ZNF320: variants seen among roughly 807,000 people sequenced by gnomAD.
ZNF320 encodes the protein zinc finger protein 320.
In ZNF320, 2 loss-of-function variants were observed where a neutral mutation model predicts 6.8. The observed-to-expected ratio is 0.29, with a 90% CI of 0.12 to 0.93. The LOEUF is 0.93. Ranked by LOEUF, ZNF320 falls within the 40% of genes least tolerant of loss-of-function variation. The pLI is 0.55. For missense variants in ZNF320, 472 were observed against 611.0 expected (o/e 0.77, Z 2.40); for synonymous variants, 208 against 203.2 (o/e 1.02, Z -0.20).
chr19:52,862,893 G>A (rs2063493741), exon 6 of ZNF320: 3 of 286,874 alleles, frequency 1.0e-5, no homozygotes, highest in South Asian at 7.1e-5. Context: ...AATTAGCTGG[G>A]TATGGTGGAT....
upstream of ZNF320, chr19:52,897,649 C>G (rs569239231): frequency 2.0e-5 from 3 of 152,570 alleles, no homozygotes; most frequent in South Asian, 6.2e-4. Context: ...GAAACTCACG[C>G]GCTGTGGTGT....
At chr19:52,866,349 T>C (rs1820732529) in intron 5 of ZNF320, among the ~76,000 whole-genome samples, 2 of 151,018 alleles carry the variant, frequency 1.3e-5, no homozygotes, top group Admixed American at 1.3e-4. Context: ...TCACCTGAGG[T>C]CAGAACTGTG....
At chr19:52,901,639 T>A (rs2064571474), upstream of ZNF320, among the ~76,000 whole-genome samples, 1 of 152,222 alleles carries the variant, frequency 6.6e-6, no homozygotes, top group South Asian at 2.1e-4. Context: ...GTTGCAAACT[T>A]CAATGGTTAT....
chr19:52,865,908 TAC>T (rs1452352918), intron 5 of ZNF320, among the ~76,000 whole-genome samples: 80 of 81,854 alleles, frequency 9.8e-4, no homozygotes, highest in South Asian at 2.0e-3. Flanking sequence ...TATATGATTA[TAC>T]ACATATATTT....
At chr19:52,898,273 G>A (rs527506564), upstream of ZNF320, among the ~76,000 whole-genome samples, 1 of 152,264 alleles carries the variant, frequency 6.6e-6, no homozygotes, top group Admixed American at 6.5e-5. Context: ...GCCACCGCCT[G>A]GGGTGCGGAG....
intron 4 of ZNF320, among the ~76,000 whole-genome samples, chr19:52,889,890 G>A (rs1313069957): frequency 2.6e-5 from 4 of 152,078 alleles, no homozygotes; most frequent in Non-Finnish European, 4.4e-5. Flanking sequence ...TCCATTGGCA[G>A]CTGCTCTAAT....
chr19:52,865,506 ATATTTATATATT>A, intron 5 of ZNF320: 3 of 137,632 alleles, frequency 2.2e-5, no homozygotes, highest in African/African-American at 8.6e-5. Context: ...TTATACATAT[ATATTTATATATT>A]ATACATATAT....
downstream of ZNF320, among the ~76,000 whole-genome samples, chr19:52,872,635 G>A (rs1257238363): frequency 6.6e-6 from 1 of 152,072 alleles, no homozygotes; most frequent in Non-Finnish European, 1.5e-5. Context: ...CCAAGTAGCT[G>A]GAACTACAGG....
At chr19:52,882,982 C>G (rs1289001738) in intron 5 of ZNF320, among the ~76,000 whole-genome samples, 2 of 151,892 alleles carry the variant, frequency 1.3e-5, no homozygotes, top group African/African-American at 2.4e-5. Flanking sequence ...TTCTGAATAA[C>G]TGTTACAAAA....
chr19:52,866,658 G>A (rs2063577983), intron 5 of ZNF320, among the ~76,000 whole-genome samples: 2 of 152,076 alleles, frequency 1.3e-5, no homozygotes. Context: ...ATCACTTGAG[G>A]CCAGGAGTTT....
At position 52,887,164 on chromosome 19, in the gene ZNF320, T is replaced by C. The variant is rs539059988; in HGVS notation, c.142+963A>G. On this transcript the variant is annotated intron_variant, in intron 5 of 5. Transcript: ENST00000682928. ...ACTTGCAGAGAGTTTCCCCACACACTATTTGAAGGTGGAGCTTCCACTCTG... is the reference window on the plus strand; with the variant it reads ...ACTTGCAGAGAGTTTCCCCACACACCATTTGAAGGTGGAGCTTCCACTCTG... Among the ~76,000 whole-genome samples, 5 of 152,228 alleles carry C rather than the reference T, an allele frequency of 3.3e-5. No homozygotes were observed. In the East Asian group the frequency reaches 9.7e-4, roughly 29 times the overall value.
chr19:52,901,843 C>G (rs1041878506), upstream of ZNF320, among the ~76,000 whole-genome samples: 1 of 152,148 alleles, frequency 6.6e-6, no homozygotes, highest in Non-Finnish European at 1.5e-5. Flanking sequence ...GAAACCTCGT[C>G]TAGTTGTTTT....
intron 1 of ZNF320, among the ~76,000 whole-genome samples, chr19:52,897,081 TA>T: frequency 6.6e-6 from 1 of 152,250 alleles, no homozygotes; most frequent in Non-Finnish European, 1.5e-5. Flanking sequence ...TAAAACTTTC[TA>T]AACGGGTCCC....
chr19:52,863,375 G>C (rs1043077423), exon 6 of ZNF320, among the ~76,000 whole-genome samples: 6 of 152,064 alleles, frequency 3.9e-5, no homozygotes, highest in Admixed American at 1.3e-4. Flanking sequence ...AAGGCAGGTG[G>C]ATCACGAGGT....
At chr19:52,866,562 T>G (rs989817304) in intron 5 of ZNF320, among the ~76,000 whole-genome samples, 1 of 152,042 alleles carries the variant, frequency 6.6e-6, no homozygotes, top group Non-Finnish European at 1.5e-5. Flanking sequence ...ACTTGCAGGA[T>G]AAAATACCAG....
chr19:52,884,361 G>A (rs546461444), intron 5 of ZNF320, among the ~76,000 whole-genome samples: 4 of 152,062 alleles, frequency 2.6e-5, no homozygotes, highest in Middle Eastern at 3.4e-3. Context: ...TCTGTTGCCC[G>A]GGCTGGAGTG....
At position 52,881,554 on chromosome 19, in the gene ZNF320, C is replaced by T. The variant is rs1258736893; in HGVS notation, c.572G>A (p.Cys191Tyr). Reference protein sequence around the residue: ...IIHTGEKPYKCKVCDKAFKHD... With the variant: ...IIHTGEKPYKYKVCDKAFKHD... ...CTTAAAAGCCTTGTCGCAAACCTTA[C>T]ATTTGTATGGTTTCTCTCCAGTATG... Residue 191 changes from cysteine (C) to tyrosine (Y), a missense_variant, in exon 6 of 6, where the codon TGT becomes TAT. This residue lies in a region of ZNF320 where 462 missense variants were observed against 559.7 expected (regional missense o/e 0.83). Transcript: ENST00000682928. 4 of 1,613,978 alleles carry T rather than the reference C, an allele frequency of 2.5e-6. No homozygotes were observed. Among genetic ancestry groups the T allele is most frequent in the African/African-American group, 1.3e-5 (1 of 74,926 alleles).
chr19:52,866,174 A>ATG (rs1212520863), intron 5 of ZNF320, among the ~76,000 whole-genome samples: 28 of 104,700 alleles, frequency 2.7e-4, no homozygotes, highest in East Asian at 5.0e-4. Context: ...ATATTTATAT[A>ATG]TATGATTATA....
intron 5 of ZNF320, among the ~76,000 whole-genome samples, chr19:52,870,691 A>G (rs2063665565): frequency 6.6e-6 from 1 of 151,554 alleles, no homozygotes; most frequent in Non-Finnish European, 1.5e-5. Flanking sequence ...ACTGTAATCC[A>G]GGAGGCAGAG....
Sources: gnomAD v4.1 joint callset for allele counts (sites outside exome capture counted in the v4.1 genomes callset) on GRCh38, gnomAD v4.1.1 for gene constraint, gnomAD v4.1.1 regional missense constraint, MANE v1.5 for transcripts, NCBI Gene and HGNC (gene_info 2026-07-23, HGNC 2026-07-21) for gene names.